Variants in MTMR3 observed in about 807,000 individuals in gnomAD.
The protein encoded by MTMR3 is phosphatidylinositol-3,5-bisphosphate 3-phosphatase MTMR3.
A neutral mutation model predicts 132.4 loss-of-function variants in MTMR3; 32 were observed. The ratio of observed to expected loss-of-function variants is 0.24; its 90% CI spans 0.18 to 0.32. The LOEUF (loss-of-function observed/expected upper bound fraction) is 0.32, where lower values mean the gene tolerates loss of function less well. MTMR3 is among the 10% of genes least tolerant of loss of function. The pLI, the probability that MTMR3 is intolerant of heterozygous loss-of-function variation, is 1.00. For synonymous variants in MTMR3, 556 were observed against 550.3 expected (o/e 1.01, Z -0.14); for missense variants, 1,216 against 1,489.6 (o/e 0.82, Z 3.02).
chr22:30,003,811 TTTTA>T (rs2067222609), intron 9 of MTMR3: 1 of 152,226 alleles, frequency 6.6e-6, no homozygotes, highest in East Asian at 1.9e-4. Flanking sequence ...TCCTATTAAA[TTTTA>T]AAGAAGTCCT....
chr22:30,022,957 C>A, intron 19 of MTMR3: 1 of 496,882 alleles, frequency 2.0e-6, no homozygotes, highest in Non-Finnish European at 3.6e-6. Flanking sequence ...AAACAACAGC[C>A]ACCACTGAAA....
chr22:29,893,082 G>T (rs544606532), intron 1 of MTMR3, among the ~76,000 whole-genome samples: 1 of 152,262 alleles, frequency 6.6e-6, no homozygotes, highest in South Asian at 2.1e-4. Flanking sequence ...ACATTGCCTG[G>T]TACAGAGTAA....
In MTMR3 at chr22:29,978,830, T is replaced by C. The variant is rs1156401379; in HGVS notation, c.94-106T>C. The C allele has an allele frequency of 4.7e-6, 4 of 858,198 alleles. No individual in the cohort carries two copies. The African/African-American group carries it at 6.8e-5, about 15-fold the overall frequency. The allele number at this position is 858,198 out of a possible 1,614,324, so 53.2% of individuals were successfully genotyped here. On this transcript the variant is annotated intron_variant, in intron 4 of 19. Coordinates refer to ENST00000401950, the MANE Select transcript of MTMR3 (RefSeq NM_021090.4). ...CCTTATCTACTTATGTGCTGTGTTT[T>C]CAACTTCAGTGGCAGAGGATTTACC...
At chr22:29,959,756 TTAA>T (rs1439228578) in intron 2 of MTMR3, among the ~76,000 whole-genome samples, 9 of 143,006 alleles carry the variant, frequency 6.3e-5, no homozygotes, top group Non-Finnish European at 1.2e-4. Flanking sequence ...TGTAAAAGTG[TTAA>T]TTTTTTTTTT....
At chr22:29,893,258 A>G (rs1452131660) in intron 1 of MTMR3, among the ~76,000 whole-genome samples, 2 of 152,188 alleles carry the variant, frequency 1.3e-5, no homozygotes, top group Non-Finnish European at 1.5e-5. Flanking sequence ...TTTTAGATCA[A>G]CCTTTCACAT....
At chr22:29,913,583 G>T (rs1294108380) in intron 1 of MTMR3, among the ~76,000 whole-genome samples, 1 of 152,106 alleles carries the variant, frequency 6.6e-6, no homozygotes, top group Non-Finnish European at 1.5e-5. Flanking sequence ...ACTATTTTGT[G>T]CCTGTCCTCT....
chr22:30,018,385 C>T (rs1275520151), intron 16 of MTMR3: 2 of 265,678 alleles, frequency 7.5e-6, no homozygotes, highest in Non-Finnish European at 1.4e-5. Flanking sequence ...CTCTGTGCTC[C>T]TGCCTATTTG....
At chr22:29,964,214 T>C (rs549400648) in intron 2 of MTMR3, among the ~76,000 whole-genome samples, 3 of 152,344 alleles carry the variant, frequency 2.0e-5, no homozygotes, top group African/African-American at 7.2e-5. Context: ...CTCAATTTCT[T>C]CCTTTTGTAC....
chr22:29,896,869 T>TCTCACACACACACACACACACACACA (rs145703649), intron 1 of MTMR3, among the ~76,000 whole-genome samples: 4 of 138,148 alleles, frequency 2.9e-5, no homozygotes, highest in East Asian at 2.1e-4. Context: ...CAGGCTTGTC[T>TCTCACACACACACACACACACACACA]CACACACACA....
Position 30,008,039 on chromosome 22 carries a change from T to C in MTMR3, c.1009+7T>C, listed in dbSNP as rs963570290. The C allele has an allele frequency of 5.0e-6, 8 of 1,611,954 alleles. No homozygotes were observed. Among genetic ancestry groups the C allele is most frequent in the Non-Finnish European group, 6.8e-6 (8 of 1,179,648 alleles). ...GGAGGCTGCGAATGCCCAGGTGAGG[T>C]GTATGGTGCTTTGTTCCCCATACTT... is the stretch of plus-strand genomic sequence containing the variant. On this transcript the variant is annotated splice_region_variant and intron_variant, in intron 11 of 19. Transcript: ENST00000401950.
Position 30,020,095 on chromosome 22 carries a change from C to G in MTMR3, c.2436C>G (p.Ile812Met). The G allele has an allele frequency of 6.2e-7, 1 of 1,614,192 alleles. No individual in the cohort carries two copies. Among genetic ancestry groups the G allele is most frequent in the South Asian group, 1.1e-5 (1 of 91,080 alleles). ...GTAGGGAGGAAGCAGTTCTTCCAAT[C>G]CCAGTAGATGCAAAAGTTGGCTATG... The part of the protein sequence containing the change: ...AEGREEAVLP[I>M]PVDAKVGYGT... Residue 812 changes from isoleucine to methionine, a missense_variant, in exon 17 of 20, where the codon ATC becomes ATG. Physicochemically the swap from Ile to Met is conservative, Grantham distance 10. Coordinates refer to ENST00000401950, the MANE Select transcript of MTMR3 (RefSeq NM_021090.4).
chr22:29,956,433 G>A (rs1177101378), intron 1 of MTMR3, among the ~76,000 whole-genome samples: 1 of 152,064 alleles, frequency 6.6e-6, no homozygotes, highest in Non-Finnish European at 1.5e-5. Context: ...TTTTAGTAGA[G>A]ACGGGGTTTT....
chr22:29,890,459 A>C (rs1568991593), intron 1 of MTMR3, among the ~76,000 whole-genome samples: 1 of 152,174 alleles, frequency 6.6e-6, no homozygotes. Flanking sequence ...CAGAGGTTGC[A>C]GTGAGCCGAG....
At chr22:29,911,621 C>G (rs73396856) in intron 1 of MTMR3, among the ~76,000 whole-genome samples, 4,912 of 151,186 alleles carry the variant, frequency 0.032, 280 homozygotes, top group African/African-American at 0.11. Flanking sequence ...GAATTTTGAC[C>G]AGTATATTTA....
At chr22:29,956,328 C>G (rs1408896104) in intron 1 of MTMR3, among the ~76,000 whole-genome samples, 1 of 152,028 alleles carries the variant, frequency 6.6e-6, no homozygotes, top group Non-Finnish European at 1.5e-5. Flanking sequence ...CTCACTGAAA[C>G]CTCCACGTCT....
At position 29,932,183 on chromosome 22, in the gene MTMR3, G is replaced by A. The variant is rs116281926; in HGVS notation, c.-137-24853G>A. On this transcript the variant is annotated intron_variant, in intron 1 of 19. Transcript: ENST00000401950. ...TTATAAAAATTGAGATGTAATACAC[G>A]TATAAGGTATAGTAACCCTAAATTA... Among the ~76,000 whole-genome samples the A allele has an allele frequency of 4.5e-3, 689 of 152,202 alleles. 6 individuals are homozygous for A. The highest frequency in any genetic ancestry group is 0.016 in the African/African-American group (647 of 41,506).
chr22:29,931,179 T>G (rs1217062670), intron 1 of MTMR3, among the ~76,000 whole-genome samples: 2 of 152,196 alleles, frequency 1.3e-5, no homozygotes, highest in African/African-American at 4.8e-5. Flanking sequence ...GTGGAAATAC[T>G]GACACAACAA....
At position 29,963,596 on chromosome 22, in the gene MTMR3, C is replaced by T. The variant is rs191607208; in HGVS notation, c.-85+6508C>T. 3.8e-3 allele frequency among the ~76,000 whole-genome samples: 580 copies of T among 151,850 alleles called. 6 individuals are homozygous for T. Among genetic ancestry groups the T allele is most frequent in the South Asian group, 0.038 (183 of 4,804 alleles). ...GTAGAGATGGGGTTTCACCGTTGGC[C>T]GGGATGGTCTCGATCTCTTGACCTT... On this transcript the variant is annotated intron_variant, in intron 2 of 19. Coordinates refer to ENST00000401950, the MANE Select transcript of MTMR3 (RefSeq NM_021090.4).
intron 1 of MTMR3, among the ~76,000 whole-genome samples, chr22:29,894,872 C>T (rs1476583955): frequency 1.3e-5 from 2 of 152,118 alleles, no homozygotes; most frequent in African/African-American, 4.8e-5. Flanking sequence ...GGTTAGATTT[C>T]TGGGTTAAGA....
Sources: allele counts gnomAD v4.1 joint callset (sites outside exome capture counted in the v4.1 genomes callset), GRCh38; gene constraint gnomAD v4.1.1; transcripts MANE v1.5; gene names NCBI Gene and HGNC (gene_info 2026-07-23, HGNC 2026-07-21).